TBL1XR1: variants seen among roughly 807,000 people sequenced by gnomAD.
TBL1XR1 encodes F-box-like/WD repeat-containing protein TBL1XR1.
TBL1XR1 carries 5 observed loss-of-function variants against 66.9 expected under a neutral mutation model. The ratio of observed to expected loss-of-function variants is 0.07; its 90% CI spans 0.04 to 0.16. The LOEUF (loss-of-function observed/expected upper bound fraction) is 0.16, where lower values mean the gene tolerates loss of function less well. TBL1XR1 is among the 10% of genes least tolerant of loss of function. TBL1XR1 has a pLI of 1.00. For missense variants in TBL1XR1, 238 were observed against 623.2 expected, an observed-to-expected ratio of 0.38 and a Z score of 6.58; for synonymous variants, 210 against 206.0, an observed-to-expected ratio of 1.02 and a Z score of -0.17.
intron 2 of TBL1XR1, among the ~76,000 whole-genome samples, chr3:177,096,728 T>C (rs891290454): frequency 1.3e-5 from 2 of 152,214 alleles, no homozygotes; most frequent in Admixed American, 6.5e-5. Context: ...TCTGTTTCTT[T>C]CATGAGAAAC....
At chr3:177,179,180 A>C (rs919012249) in intron 1 of TBL1XR1, among the ~76,000 whole-genome samples, 4 of 151,710 alleles carry the variant, frequency 2.6e-5, no homozygotes, top group South Asian at 4.1e-4. Flanking sequence ...AGAATCGCAC[A>C]ACAACCCCCT....
intron 1 of TBL1XR1, among the ~76,000 whole-genome samples, chr3:177,112,935 G>A (rs1013971629): frequency 6.6e-6 from 1 of 151,964 alleles, no homozygotes. Flanking sequence ...TCTGAAAGGC[G>A]GAGGGAGGCA....
chr3:177,044,123 G>A (rs533992682), intron 10 of TBL1XR1, among the ~76,000 whole-genome samples: 3 of 152,176 alleles, frequency 2.0e-5, no homozygotes, highest in South Asian at 4.2e-4. Context: ...ATTTCTTCCC[G>A]CAGCATCGAA....
chr3:177,135,528 C>A (rs368816470), intron 1 of TBL1XR1, among the ~76,000 whole-genome samples: 2 of 150,426 alleles, frequency 1.3e-5, no homozygotes, highest in Admixed American at 1.3e-4. Flanking sequence ...GGACTACAGG[C>A]GCCCGCCACC....
chr3:177,060,173 A>G lies in TBL1XR1; in HGVS notation c.58+4747T>C, dbSNP rs891850596. On this transcript the variant is annotated intron_variant, in intron 3 of 15. Transcript: ENST00000457928. ...TCTTTACTTTGTGATTGTGTGAGTC[A>G]ATTCCCCCTAATAAGCTCCTTTTCA... Among the ~76,000 whole-genome samples, 12 of 152,294 alleles carry G rather than the reference A, an allele frequency of 7.9e-5. 1 individual carries two copies. The South Asian group carries it at 1.5e-3, about 18-fold the overall frequency.
intron 1 of TBL1XR1, chr3:177,196,301 G>A (rs1161654468): frequency 6.6e-6 from 1 of 152,058 alleles, no homozygotes; most frequent in Admixed American, 6.6e-5. Context: ...CCTTTACACT[G>A]TCAGAAAATA....
intron 1 of TBL1XR1, among the ~76,000 whole-genome samples, chr3:177,170,924 G>A (rs1401742928): frequency 6.6e-6 from 1 of 152,058 alleles, no homozygotes; most frequent in Non-Finnish European, 1.5e-5. Context: ...ACCTGTCCCT[G>A]GATCCCCAGT....
chr3:177,120,683 TTTTTA>T (rs1171061722), intron 1 of TBL1XR1: 1 of 152,206 alleles, frequency 6.6e-6, no homozygotes, highest in Non-Finnish European at 1.5e-5. Context: ...AAATTTACTT[TTTTTA>T]TTTTTAGACT....
intron 1 of TBL1XR1, among the ~76,000 whole-genome samples, chr3:177,142,999 T>G (rs1221682339): frequency 6.6e-6 from 1 of 151,844 alleles, no homozygotes. Context: ...GCCACGTTTT[T>G]GCATGTTTGT....
Position 177,112,107 on chromosome 3 carries a change from A to AT in TBL1XR1, c.-121-13567dup, listed in dbSNP as rs71170852. Among the ~76,000 whole-genome samples, 133 of 37,640 alleles carry AT rather than the reference A, an allele frequency of 3.5e-3. 9 individuals carry two copies. Among genetic ancestry groups the AT allele is most frequent in the Admixed American group, 9.5e-3 (24 of 2,522 alleles). The allele number at this position is 37,640 out of a possible 152,430, so 24.7% of individuals were successfully genotyped here. On this transcript the variant is annotated intron_variant, in intron 1 of 15. Coordinates refer to ENST00000457928, the MANE Select transcript of TBL1XR1 (RefSeq NM_024665.7). ...TATATATATATATATATATATATAT[A>AT]TTTTTTTTTTTTTTTTTTGTGAGGG...
intron 1 of TBL1XR1, among the ~76,000 whole-genome samples, chr3:177,140,680 C>A (rs1729530595): frequency 6.6e-6 from 1 of 152,182 alleles, no homozygotes; most frequent in Non-Finnish European, 1.5e-5. Context: ...ACCCTTGTCA[C>A]TGACAGTGGG....
intron 1 of TBL1XR1, among the ~76,000 whole-genome samples, chr3:177,180,288 G>A (rs1229157075): frequency 2.1e-5 from 3 of 142,192 alleles, no homozygotes; most frequent in Non-Finnish European, 3.0e-5. Flanking sequence ...AGAGCCCAGA[G>A]ATACAAAAGA....
At chr3:177,146,978 G>A (rs1388818428) in intron 1 of TBL1XR1, among the ~76,000 whole-genome samples, 1 of 151,542 alleles carries the variant, frequency 6.6e-6, no homozygotes, top group Non-Finnish European at 1.5e-5. Context: ...CCATTAAAAT[G>A]ATTCAGATTC....
At chr3:177,195,342 A>T (rs1736694301) in intron 1 of TBL1XR1, among the ~76,000 whole-genome samples, 1 of 151,754 alleles carries the variant, frequency 6.6e-6, no homozygotes, top group South Asian at 2.1e-4. Context: ...TAGAACTCTC[A>T]ACTATTTGGG....
chr3:177,177,872 GT>G (rs1009970281), intron 1 of TBL1XR1, among the ~76,000 whole-genome samples: 11 of 151,592 alleles, frequency 7.3e-5, no homozygotes, highest in Non-Finnish European at 1.5e-4. Flanking sequence ...CTGGAGGGAC[GT>G]TTAAAAAAAA....
intron 2 of TBL1XR1, among the ~76,000 whole-genome samples, chr3:177,094,347 G>T (rs1182363685): frequency 6.6e-6 from 1 of 152,160 alleles, no homozygotes; most frequent in African/African-American, 2.4e-5. Context: ...TGGATGTGGT[G>T]AAAAGGGAAC....
chr3:177,104,404 G>A (rs991747432), intron 1 of TBL1XR1, among the ~76,000 whole-genome samples: 6 of 152,058 alleles, frequency 3.9e-5, no homozygotes, highest in Non-Finnish European at 7.4e-5. Context: ...AACATACTAC[G>A]CATACGTCAA....
intron 1 of TBL1XR1, among the ~76,000 whole-genome samples, chr3:177,155,085 G>A (rs965302829): frequency 3.3e-5 from 5 of 152,058 alleles, no homozygotes; most frequent in Admixed American, 2.6e-4. Flanking sequence ...AGAGAAGAGC[G>A]TACCAAAAAT....
At chr3:177,174,958 T>C (rs1230371619) in intron 1 of TBL1XR1, among the ~76,000 whole-genome samples, 2 of 152,150 alleles carry the variant, frequency 1.3e-5, no homozygotes, top group Non-Finnish European at 2.9e-5. Flanking sequence ...TCCAGCTCCT[T>C]CTCATCATTT....
Sources: allele counts gnomAD v4.1 joint callset (sites outside exome capture counted in the v4.1 genomes callset), GRCh38; gene constraint gnomAD v4.1.1; transcripts MANE v1.5; gene names NCBI Gene and HGNC (gene_info 2026-07-23, HGNC 2026-07-21).